The following LRP1B variants were observed in gnomAD, a reference collection of about 807,000 sequenced individuals.
LRP1B encodes the protein low-density lipoprotein receptor-related protein 1B.
Under a neutral mutation model 556.6 loss-of-function variants are expected in LRP1B, and 217 were observed. That is an observed-to-expected ratio of 0.39 (90% confidence interval 0.35 to 0.44). The LOEUF (loss-of-function observed/expected upper bound fraction) is 0.44. Among genes scored for constraint, LRP1B ranks in the 20% least tolerant of loss-of-function variants. The probability of loss-of-function intolerance (pLI) is 1.00; values close to 1 mark genes in which losing one functional copy is unlikely to be tolerated. For missense variants in LRP1B, 5,053 were observed against 5,620.8 expected (o/e 0.90, Z 3.23); for synonymous variants, 2,047 against 1,865.8 (o/e 1.10, Z -2.50).
chr2:141,468,375 G>T (rs529611206), intron 3 of LRP1B, among the ~76,000 whole-genome samples: 2 of 152,190 alleles, frequency 1.3e-5, no homozygotes, highest in African/African-American at 4.8e-5. Context: ...AAAAGGATAA[G>T]TTATTTTTAA....
At chr2:140,689,019 T>A (rs1318184947) in intron 41 of LRP1B, among the ~76,000 whole-genome samples, 1 of 152,236 alleles carries the variant, frequency 6.6e-6, no homozygotes, top group Non-Finnish European at 1.5e-5. Flanking sequence ...TAACCAAAGT[T>A]AATTGATATC....
At chr2:140,993,036 T>C (rs866104655) in intron 16 of LRP1B, among the ~76,000 whole-genome samples, 1 of 152,040 alleles carries the variant, frequency 6.6e-6, no homozygotes, top group South Asian at 2.1e-4. Flanking sequence ...TCCTGAAGCA[T>C]CGATGTTTGA....
intron 82 of LRP1B, among the ~76,000 whole-genome samples, chr2:140,318,682 CACAGAGATACTGGGATGT>C (rs1684639317): frequency 6.6e-6 from 1 of 152,018 alleles, no homozygotes; most frequent in Non-Finnish European, 1.5e-5. Flanking sequence ...CTCTGGGTGA[CACAGAGATACTGGGATGT>C]ATTGTGTGAC....
At chr2:140,280,603 A>G (rs1682875402) in intron 84 of LRP1B, among the ~76,000 whole-genome samples, 1 of 151,818 alleles carries the variant, frequency 6.6e-6, no homozygotes, top group South Asian at 2.1e-4. Context: ...ATGGGACACT[A>G]GCTCTGAGAT....
rs116065770 is a variant in LRP1B at position 141,778,056 on chromosome 2, A to G, written c.205+32223T>C. Among the ~76,000 whole-genome samples the G allele has an allele frequency of 3.2e-3, 485 of 152,326 alleles. 2 individuals carry two copies. Among genetic ancestry groups the G allele is most frequent in the African/African-American group, 0.011 (459 of 41,580 alleles). On this transcript the variant is annotated intron_variant, in intron 2 of 90. Transcript: ENST00000389484. ...AATACAAATCAGTTGTGGTAGAGTC[A>G]GAAGAAGTGAGATCATTTTGGAAAA...
chr2:141,720,673 G>T (rs1816607), intron 2 of LRP1B, among the ~76,000 whole-genome samples: 59,902 of 151,886 alleles, frequency 0.39, 12,318 homozygotes, highest in East Asian at 0.67. Context: ...CTCTCAAGCT[G>T]CATTTTCATT....
chr2:140,494,395 T>C (rs1688825825), intron 56 of LRP1B, among the ~76,000 whole-genome samples: 1 of 152,084 alleles, frequency 6.6e-6, no homozygotes, highest in Non-Finnish European at 1.5e-5. Flanking sequence ...GATTAAACAA[T>C]GGGCTCCAAT....
chr2:140,936,714 A>C (rs1173216722), intron 20 of LRP1B, among the ~76,000 whole-genome samples: 1 of 152,206 alleles, frequency 6.6e-6, no homozygotes, highest in African/African-American at 2.4e-5. Flanking sequence ...TAACTTTGAA[A>C]AAAATATTAT....
chr2:142,049,296 C>T (rs1344407830), intron 1 of LRP1B, among the ~76,000 whole-genome samples: 1 of 152,050 alleles, frequency 6.6e-6, no homozygotes, highest in Non-Finnish European at 1.5e-5. Context: ...AAAATAAAAG[C>T]ACACATCATA....
intron 3 of LRP1B, among the ~76,000 whole-genome samples, chr2:141,333,438 T>C (rs1559011838): frequency 6.6e-6 from 1 of 152,190 alleles, no homozygotes; most frequent in South Asian, 2.1e-4. Flanking sequence ...AATAGATGCA[T>C]CTTTCACTAT....
intron 41 of LRP1B, among the ~76,000 whole-genome samples, chr2:140,682,310 G>A (rs1685886281): frequency 6.6e-6 from 1 of 152,102 alleles, no homozygotes; most frequent in African/African-American, 2.4e-5. Flanking sequence ...GGTTATTTCT[G>A]CTGCTAAGAT....
chr2:140,931,640 C>T (rs965343901), intron 20 of LRP1B, among the ~76,000 whole-genome samples: 14 of 152,036 alleles, frequency 9.2e-5, no homozygotes, highest in South Asian at 4.1e-4. Flanking sequence ...TAAGTCGAAA[C>T]GGAAGTTTCA....
At chr2:141,425,069 G>T (rs372099535) in intron 3 of LRP1B, among the ~76,000 whole-genome samples, 1 of 140,046 alleles carries the variant, frequency 7.1e-6, no homozygotes, top group Non-Finnish European at 1.6e-5. Context: ...TCCCTCCCCC[G>T]TCCCCCAACC....
chr2:141,387,458 A>G (rs6721710), intron 3 of LRP1B, among the ~76,000 whole-genome samples: 7,795 of 152,224 alleles, frequency 0.051, 226 homozygotes, highest in South Asian at 0.081. Context: ...GAGAAAATAG[A>G]ATAACTAAAA....
intron 3 of LRP1B, among the ~76,000 whole-genome samples, chr2:141,426,580 A>G (rs941631043): frequency 2.5e-5 from 3 of 118,236 alleles, no homozygotes; most frequent in African/African-American, 8.9e-5. Flanking sequence ...TATTTGATAA[A>G]AATTCAGTTT....
At chr2:141,974,554 G>A (rs1219963401) in intron 1 of LRP1B, among the ~76,000 whole-genome samples, 2 of 151,958 alleles carry the variant, frequency 1.3e-5, no homozygotes, top group African/African-American at 4.8e-5. Context: ...AACTAGTTTG[G>A]GGCCTGAGAA....
chr2:140,416,849 C>T (rs1000664376), intron 66 of LRP1B, among the ~76,000 whole-genome samples: 1 of 152,140 alleles, frequency 6.6e-6, no homozygotes, highest in East Asian at 1.9e-4. Context: ...ATGCCTCTTG[C>T]CCACACTGCA....
intron 1 of LRP1B, among the ~76,000 whole-genome samples, chr2:141,982,268 T>C (rs1702064981): frequency 6.6e-6 from 1 of 152,180 alleles, no homozygotes; most frequent in Non-Finnish European, 1.5e-5. Context: ...CCAAATTCTT[T>C]GGAAATCTAA....
chr2:140,655,833 C>T (rs1010972428), intron 41 of LRP1B, among the ~76,000 whole-genome samples: 1 of 151,814 alleles, frequency 6.6e-6, no homozygotes, highest in African/African-American at 2.4e-5. Context: ...GTCCCAGCTA[C>T]TCGGGAAGCT....
Sources: allele counts gnomAD v4.1 joint callset (sites outside exome capture counted in the v4.1 genomes callset), GRCh38; gene constraint gnomAD v4.1.1; transcripts MANE v1.5; gene names NCBI Gene and HGNC (gene_info 2026-07-23, HGNC 2026-07-21).